The following CADM2 variants were observed in gnomAD, a reference collection of about 807,000 sequenced individuals.
The protein encoded by CADM2 is immunoglobulin superfamily member 4D.
A neutral mutation model predicts 49.8 loss-of-function variants in CADM2; 12 were observed. That is an observed-to-expected ratio of 0.24 (90% confidence interval 0.15 to 0.39). The LOEUF is 0.39. CADM2 is among the 10% of genes least tolerant of loss of function. The pLI, the probability that CADM2 is intolerant of heterozygous loss-of-function variation, is 1.00. For synonymous variants in CADM2, 214 were observed against 175.4 expected (o/e 1.22, Z -1.74); for missense variants, 378 against 492.3 (o/e 0.77, Z 2.20).
At chr3:85,917,106 A>G (rs1431658710) in intron 6 of CADM2, among the ~76,000 whole-genome samples, 1 of 151,882 alleles carries the variant, frequency 6.6e-6, no homozygotes, top group Admixed American at 6.6e-5. Flanking sequence ...ATTTTCTTCC[A>G]TTCTGTAGGT....
At chr3:86,012,068 A>G (rs564565018) in intron 8 of CADM2, among the ~76,000 whole-genome samples, 1 of 152,146 alleles carries the variant, frequency 6.6e-6, no homozygotes, top group Admixed American at 6.5e-5. Context: ...GGAAATATTT[A>G]TTATCCTTAG....
At chr3:85,368,054 A>T (rs2032927745) in intron 1 of CADM2, among the ~76,000 whole-genome samples, 1 of 152,102 alleles carries the variant, frequency 6.6e-6, no homozygotes, top group African/African-American at 2.4e-5. Context: ...TTACACACAA[A>T]AATTAATTTT....
chr3:85,537,685 A>T (rs2167047), intron 1 of CADM2, among the ~76,000 whole-genome samples: 77,841 of 151,908 alleles, frequency 0.51, 23,043 homozygotes, highest in East Asian at 0.85. Context: ...AACAATATTC[A>T]GATTTGTGTA....
chr3:85,877,684 G>GTTTTTTTTTTTTTTTTTTTTTGTTTTTT (rs368101272), intron 3 of CADM2, among the ~76,000 whole-genome samples: 1 of 112,026 alleles, frequency 8.9e-6, no homozygotes, highest in Non-Finnish European at 1.8e-5. Flanking sequence ...TTTTTCTTCT[G>GTTTTTTTTTTTTTTTTTTTTTGTTTTTT]TTTTTTTTTT....
intron 8 of CADM2, among the ~76,000 whole-genome samples, chr3:86,044,897 A>T (rs1177763990): frequency 6.6e-6 from 1 of 152,186 alleles, no homozygotes; most frequent in African/African-American, 2.4e-5. Flanking sequence ...TGATGAGTTC[A>T]TGTCCTTTTT....
chr3:86,060,224 C>A (rs1164665684), intron 8 of CADM2, among the ~76,000 whole-genome samples: 5 of 144,428 alleles, frequency 3.5e-5, no homozygotes, highest in Non-Finnish European at 3.1e-5. Flanking sequence ...GTTTTAATGT[C>A]AAAAAAAAAA....
chr3:85,445,922 G>C (rs1046558811), intron 1 of CADM2, among the ~76,000 whole-genome samples: 4 of 152,098 alleles, frequency 2.6e-5, no homozygotes. Context: ...TTATTAGACT[G>C]TATTGCAAAT....
chr3:85,535,904 A>G (rs2106993579), intron 1 of CADM2, among the ~76,000 whole-genome samples: 1 of 152,140 alleles, frequency 6.6e-6, no homozygotes, highest in East Asian at 1.9e-4. Context: ...TGTGTGTAGA[A>G]GGAATAGTAT....
intron 1 of CADM2, among the ~76,000 whole-genome samples, chr3:84,973,044 G>T (rs1296750077): frequency 1.3e-5 from 2 of 152,046 alleles, no homozygotes. Flanking sequence ...CTCCCATGTA[G>T]CTGAGACTAC....
chr3:85,303,314 G>C (rs1013201573), intron 1 of CADM2, among the ~76,000 whole-genome samples: 3 of 151,938 alleles, frequency 2.0e-5, no homozygotes, highest in Admixed American at 6.6e-5. Flanking sequence ...AAGCCTGAGA[G>C]GTTTAGAAAG....
At chr3:85,778,627 C>G (rs545755185) in intron 2 of CADM2, among the ~76,000 whole-genome samples, 1 of 152,312 alleles carries the variant, frequency 6.6e-6, no homozygotes, top group Admixed American at 6.5e-5. Flanking sequence ...CCATGCAGAA[C>G]TGTGAGTCAA....
At chr3:86,031,054 C>T (rs1457501623) in intron 8 of CADM2, among the ~76,000 whole-genome samples, 1 of 151,738 alleles carries the variant, frequency 6.6e-6, no homozygotes, top group African/African-American at 2.4e-5. Context: ...GTGGGCTTCT[C>T]TTGCATTATT....
intron 1 of CADM2, among the ~76,000 whole-genome samples, chr3:84,972,290 A>C (rs1179895349): frequency 1.3e-5 from 2 of 152,352 alleles, no homozygotes; most frequent in East Asian, 1.9e-4. Flanking sequence ...TTCCACCTAA[A>C]GATGTTTTAT....
chr3:85,562,616 T>A (rs940640082), intron 1 of CADM2, among the ~76,000 whole-genome samples: 1 of 152,146 alleles, frequency 6.6e-6, no homozygotes, highest in Non-Finnish European at 1.5e-5. Context: ...GAAAATACAC[T>A]TCTTTCTACA....
intron 1 of CADM2, among the ~76,000 whole-genome samples, chr3:85,704,308 G>T (rs896430399): frequency 6.6e-6 from 1 of 152,204 alleles, no homozygotes; most frequent in Non-Finnish European, 1.5e-5. Flanking sequence ...CGATAAATGG[G>T]ACAGTAAAAA....
chr3:85,266,324 G>A (rs542233140), intron 1 of CADM2, among the ~76,000 whole-genome samples: 2 of 151,912 alleles, frequency 1.3e-5, no homozygotes, highest in African/African-American at 4.8e-5. Flanking sequence ...TGTGATATAA[G>A]GGAGAGAAAA....
chr3:85,819,774 T>C (rs574011535), intron 3 of CADM2, among the ~76,000 whole-genome samples: 2 of 152,254 alleles, frequency 1.3e-5, no homozygotes, highest in Admixed American at 6.5e-5. Flanking sequence ...AAACTGCTTT[T>C]TGCAGTTTTT....
At chr3:85,865,703 A>T (rs2075697603) in intron 3 of CADM2, among the ~76,000 whole-genome samples, 3 of 152,220 alleles carry the variant, frequency 2.0e-5, no homozygotes, top group African/African-American at 7.2e-5. Flanking sequence ...CTAAACTGTG[A>T]TTGAAGCTGT....
rs540537584 is a variant in CADM2, at chr3:86,050,160, T to G, written c.971-15445T>G. ...TGTGTAAATACTCCCATTCCAAAAG[T>G]GAGAAATCAGCCAAAAGAAAGGGGC... On this transcript the variant is annotated intron_variant, in intron 8 of 9. Transcript: ENST00000383699. Among the ~76,000 whole-genome samples the G allele has an allele frequency of 5.9e-5, 9 of 152,216 alleles. No homozygotes were observed. The South Asian group carries it at 1.9e-3, about 32-fold the overall frequency.
Sources: gnomAD v4.1 joint callset for allele counts (sites outside exome capture counted in the v4.1 genomes callset) on GRCh38, gnomAD v4.1.1 for gene constraint, MANE v1.5 for transcripts, NCBI Gene and HGNC (gene_info 2026-07-23, HGNC 2026-07-21) for gene names.